RC3H1: variants seen among roughly 807,000 people sequenced by gnomAD.
RC3H1 encodes the protein roquin-1.
In RC3H1, 50 loss-of-function variants were observed where a neutral mutation model predicts 138.2. That is an observed-to-expected ratio of 0.36 (90% CI 0.29 to 0.46). The LOEUF is 0.46. Among genes scored for constraint, RC3H1 ranks in the 20% least tolerant of loss-of-function variants. The pLI, the probability that RC3H1 is intolerant of heterozygous loss-of-function variation, is 1.00. For missense variants in RC3H1, 1,031 were observed against 1,388.1 expected, an observed-to-expected ratio of 0.74 and a Z score of 4.09; for synonymous variants, 462 against 489.1, an observed-to-expected ratio of 0.94 and a Z score of 0.73.
intron 1 of RC3H1, among the ~76,000 whole-genome samples, chr1:174,010,210 GATA>G (rs1661725111): frequency 6.6e-6 from 1 of 151,700 alleles, no homozygotes; most frequent in South Asian, 2.1e-4. Context: ...TAAGTAAAAT[GATA>G]ATAATAAATT....
At chr1:174,013,535 G>A (rs1014383291) in intron 1 of RC3H1, among the ~76,000 whole-genome samples, 2 of 151,528 alleles carry the variant, frequency 1.3e-5, no homozygotes, top group Non-Finnish European at 1.5e-5. Context: ...TCCGCCGCCT[G>A]GGTTCAAGCG....
intron 19 of RC3H1, among the ~76,000 whole-genome samples, chr1:173,939,798 GCA>G (rs934798551): frequency 1.4e-5 from 2 of 147,004 alleles, no homozygotes; most frequent in Non-Finnish European, 3.0e-5. Flanking sequence ...TCATGCCATT[GCA>G]CTCCAGCCTG....
intron 19 of RC3H1, 66 bp from the exon 20 acceptor site, chr1:173,938,937 G>A (rs1658711589): frequency 4.0e-6 from 5 of 1,250,660 alleles, no homozygotes; most frequent in Admixed American, 4.3e-5. Context: ...AAAATCAACA[G>A]GGGATATAAT....
intron 1 of RC3H1, among the ~76,000 whole-genome samples, chr1:174,020,434 G>A (rs1330559402): frequency 6.6e-6 from 1 of 152,260 alleles, no homozygotes; most frequent in East Asian, 1.9e-4. Flanking sequence ...TGCTTATAAT[G>A]TTTTTAATTA....
At chr1:173,973,926 AAGG>A (rs1430306791) in intron 7 of RC3H1, among the ~76,000 whole-genome samples, 2 of 152,232 alleles carry the variant, frequency 1.3e-5, no homozygotes, top group Admixed American at 1.3e-4. Context: ...CATTATATTC[AAGG>A]AGAAGAGCCA....
chr1:173,938,966 T>A, intron 19 of RC3H1, 95 bp from the exon 20 acceptor site: 1 of 935,556 alleles, frequency 1.1e-6, no homozygotes, highest in Non-Finnish European at 1.5e-6. Context: ...ATTGAAAATA[T>A]ATAAATGGCT....
rs545129944 is a variant in RC3H1 at position 173,947,414 on chromosome 1, C to G, written c.2692G>C (p.Ala898Pro). The G allele has an allele frequency of 1.4e-5, 22 of 1,614,054 alleles. 1 individual carries two copies. In the South Asian group the frequency reaches 2.1e-4, roughly 15 times the overall value. ...GTAGGAGCTCCCTGAGGTGCCATAG[C>G]CTGCATTGGACCAGCACCCTGATAT... ...TIYQGAGPMQ[A>P]MAPQGAPTKS... The change falls in exon 15 of 20, where the codon GCT (alanine) becomes CCT (proline). Residue 898 changes from alanine to proline, a missense_variant. Physicochemically the swap from Ala to Pro is conservative, Grantham distance 27. This residue lies in a region of RC3H1 where 716 missense variants were observed against 837.9 expected (regional missense o/e 0.85). Coordinates refer to ENST00000367696, the MANE Select transcript of RC3H1 (RefSeq NM_172071.4).
At chr1:173,939,153 G>T (rs1226964191) in intron 19 of RC3H1, among the ~76,000 whole-genome samples, 1 of 152,042 alleles carries the variant, frequency 6.6e-6, no homozygotes, top group Non-Finnish European at 1.5e-5. Context: ...ACAGAGCAGA[G>T]TTGAGAATTG....
Position 173,961,200 on chromosome 1 carries a change from A to G in RC3H1, c.2247T>C (p.Pro749=), listed in dbSNP as rs866190514. The G allele has an allele frequency of 1.2e-6, 2 of 1,614,006 alleles. No individual in the cohort carries two copies. Among genetic ancestry groups the G allele is most frequent in the African/African-American group, 2.7e-5 (2 of 74,932 alleles). ...SRLPPPPQPH[P]SLDELHRRRK... is the part of the protein sequence containing the mutation. ...GTCGGCGATGTAGTTCATCTAGACT[A>G]GGATGAGGCTGGGGAGGAGGAGGAA... Residue 749 remains proline (P), a synonymous_variant, in exon 13 of 20, where the codon CCT becomes CCC. Transcript: ENST00000367696.
At chr1:174,013,133 T>C (rs1314964438) in intron 1 of RC3H1, among the ~76,000 whole-genome samples, 2 of 151,982 alleles carry the variant, frequency 1.3e-5, no homozygotes, top group Non-Finnish European at 2.9e-5. Flanking sequence ...TAATGGTTCT[T>C]TGGGGGAGTA....
chr1:173,994,569 T>A (rs1307687140), intron 1 of RC3H1, among the ~76,000 whole-genome samples: 1 of 152,032 alleles, frequency 6.6e-6, no homozygotes, highest in East Asian at 1.9e-4. Flanking sequence ...GAGGCTGAGA[T>A]GGGAAGACTG....
rs74263815 is a variant in RC3H1 at position 173,952,163 on chromosome 1, C to CAAA, written c.2371-28_2371-26dup. 257 of 948,348 alleles carry CAAA rather than the reference C, an allele frequency of 2.7e-4. No homozygotes were observed. The African/African-American group carries it at 3.3e-3, about 12-fold the overall frequency. The allele number at this position is 948,348 out of a possible 1,614,324, so 58.7% of individuals were successfully genotyped here. A position where few individuals can be genotyped will look rare whatever the true frequency, so the allele number is the denominator to read the frequency against. The stretch of plus-strand genomic sequence containing the variant: ...ACTACAGATGGAGAAAGAAAAAAAA[C>CAAA]AAAAAAAAAAAAAAGAGAAAGAAAC... On this transcript the variant is annotated intron_variant, in intron 13 of 19. Transcript: ENST00000367696.
chr1:174,012,784 C>CAAA (rs11397475), intron 1 of RC3H1, among the ~76,000 whole-genome samples: 13 of 112,776 alleles, frequency 1.2e-4, no homozygotes, highest in African/African-American at 3.5e-4. Flanking sequence ...GACTCTGTCT[C>CAAA]AAAAAAAAAA....
At chr1:173,980,717 G>A (rs1660778117) in intron 6 of RC3H1, 92 bp downstream of exon 6, 1 of 863,690 alleles carries the variant, frequency 1.2e-6, no homozygotes, top group Admixed American at 2.4e-5. Flanking sequence ...ATTTACAAAA[G>A]CTATACAGTA....
intron 4 of RC3H1, 42 bp downstream of exon 4, chr1:173,983,376 T>C (rs1198345947): frequency 6.2e-7 from 1 of 1,607,054 alleles, no homozygotes; most frequent in Non-Finnish European, 8.5e-7. Flanking sequence ...ATCATACTTT[T>C]AGAATTACCA....
intron 2 of RC3H1, among the ~76,000 whole-genome samples, chr1:173,985,213 C>CA (rs1342035551): frequency 1.3e-5 from 2 of 152,162 alleles, no homozygotes; most frequent in African/African-American, 4.8e-5. Context: ...TCATCATTGA[C>CA]AGACATATAG....
At chr1:173,994,770 C>G (rs1661421436) in intron 1 of RC3H1, among the ~76,000 whole-genome samples, 1 of 143,182 alleles carries the variant, frequency 7.0e-6, no homozygotes, top group Admixed American at 7.3e-5. Context: ...GCACTCCAGC[C>G]TGGGTGACAG....
intron 9 of RC3H1, among the ~76,000 whole-genome samples, chr1:173,965,652 T>C (rs1183362370): frequency 6.6e-6 from 1 of 152,230 alleles, no homozygotes; most frequent in Admixed American, 6.5e-5. Flanking sequence ...CTATAATATA[T>C]TTCTGTGGAC....
intron 5 of RC3H1, among the ~76,000 whole-genome samples, chr1:173,982,316 T>C (rs1378126952): frequency 3.3e-5 from 5 of 151,834 alleles, no homozygotes; most frequent in Admixed American, 3.3e-4. Flanking sequence ...GAGGTGGAGG[T>C]TGCAGTGAGC....
Sources: allele counts gnomAD v4.1 joint callset (sites outside exome capture counted in the v4.1 genomes callset), GRCh38; gene constraint gnomAD v4.1.1; regional missense constraint gnomAD v4.1.1; transcripts MANE v1.5; gene names NCBI Gene and HGNC (gene_info 2026-07-23, HGNC 2026-07-21).